The following NTM variants were observed in gnomAD, a reference collection of about 807,000 sequenced individuals.
NTM encodes the protein neurotrimin.
A neutral mutation model predicts 42.1 loss-of-function variants in NTM; 13 were observed. That is an observed-to-expected ratio of 0.31 (90% CI 0.20 to 0.49). The LOEUF is 0.49. Among genes scored for constraint, NTM ranks in the 20% least tolerant of loss-of-function variants. NTM has a pLI of 0.99. For synonymous variants in NTM, 187 were observed against 179.2 expected (o/e 1.04, Z -0.35); for missense variants, 373 against 452.8 (o/e 0.82, Z 1.60).
At chr11:131,592,068 T>C (rs916903765) in intron 1 of NTM, among the ~76,000 whole-genome samples, 3 of 152,184 alleles carry the variant, frequency 2.0e-5, no homozygotes, top group African/African-American at 7.2e-5. Context: ...GTTAAGTCAA[T>C]GGTTAAGTCA....
At chr11:132,148,917 C>A (rs1304418572) in intron 3 of NTM, among the ~76,000 whole-genome samples, 1 of 152,126 alleles carries the variant, frequency 6.6e-6, no homozygotes. Flanking sequence ...TGTGACTTAG[C>A]TAGGTGCCCT....
At chr11:131,658,780 G>A (rs1159600331) in intron 1 of NTM, among the ~76,000 whole-genome samples, 2 of 152,180 alleles carry the variant, frequency 1.3e-5, no homozygotes, top group Non-Finnish European at 1.5e-5. Flanking sequence ...GAACAGCCTG[G>A]ACAGCATGGC....
Position 131,757,814 on chromosome 11 carries a change from T to C in NTM, c.83-153750T>C, listed in dbSNP as rs528702364. Among the ~76,000 whole-genome samples the C allele has an allele frequency of 2.2e-4, 33 of 152,290 alleles. No homozygotes were observed. In the South Asian group the frequency reaches 6.8e-3, roughly 32 times the overall value. ...AACAACCAGAGTAAAAGTAGTGGGA[T>C]GAAGATTAGTAAAATGTGCCAGAAT... is the stretch of plus-strand genomic sequence containing the variant. On this transcript the variant is annotated intron_variant, in intron 1 of 8. Coordinates refer to ENST00000683400, the MANE Select transcript of NTM (RefSeq NM_001352005.2).
At chr11:132,275,690 T>A (rs2093677902) in intron 4 of NTM, among the ~76,000 whole-genome samples, 1 of 100,132 alleles carries the variant, frequency 1.0e-5, no homozygotes, top group South Asian at 2.8e-4. Flanking sequence ...ACTTGATGTT[T>A]TATATATATA....
At chr11:131,633,160 T>G (rs951686704) in intron 1 of NTM, among the ~76,000 whole-genome samples, 2 of 150,844 alleles carry the variant, frequency 1.3e-5, no homozygotes, top group African/African-American at 5.0e-5. Context: ...TTATCATTTT[T>G]GTTGTTGTTA....
At chr11:132,111,493 G>T (rs1414429473) in intron 2 of NTM, among the ~76,000 whole-genome samples, 1 of 152,172 alleles carries the variant, frequency 6.6e-6, no homozygotes, top group African/African-American at 2.4e-5. Flanking sequence ...GCAACACAGA[G>T]GTTTGGACAC....
rs115980803 is a variant in NTM at position 132,054,177 on chromosome 11, G to A, written c.168-92105G>A. Among the ~76,000 whole-genome samples the A allele has an allele frequency of 6.4e-3, 970 of 152,230 alleles. 8 individuals carry two copies. The highest frequency in any genetic ancestry group is 0.021 in the African/African-American group (852 of 41,542). On this transcript the variant is annotated intron_variant, in intron 2 of 8. Transcript: ENST00000683400. ...TTGCAGTGAGTCAAGATTATGCCAC[G>A]GTACTCCAGCCTGGGCAAAAGAGTG...
chr11:131,918,877 G>A (rs181463641), intron 2 of NTM, among the ~76,000 whole-genome samples: 1 of 152,276 alleles, frequency 6.6e-6, no homozygotes, highest in Admixed American at 6.5e-5. Context: ...TCTATAGTTT[G>A]TTCAGAGGAA....
At chr11:131,789,497 G>A (rs865800165) in intron 1 of NTM, among the ~76,000 whole-genome samples, 82 of 3,468 alleles carry the variant, frequency 0.024, 30 homozygotes, top group Middle Eastern at 0.083. Context: ...GAAGAGGAAA[G>A]AAGAAGAAGA....
chr11:131,513,472 G>C (rs2048511185), intron 1 of NTM, among the ~76,000 whole-genome samples: 1 of 152,274 alleles, frequency 6.6e-6, no homozygotes, highest in Admixed American at 6.5e-5. Flanking sequence ...GTCAATGTCA[G>C]CTCCTCCCTG....
At chr11:131,918,226 G>A (rs1419318613) in intron 2 of NTM, among the ~76,000 whole-genome samples, 1 of 152,102 alleles carries the variant, frequency 6.6e-6, no homozygotes, top group Non-Finnish European at 1.5e-5. Context: ...CCCTCACTTG[G>A]GGCTATGCAT....
chr11:131,671,664 A>G (rs1394706583), intron 1 of NTM: 3 of 941,624 alleles, frequency 3.2e-6, no homozygotes, highest in Non-Finnish European at 3.8e-6. Flanking sequence ...ACTCAGCGGT[A>G]TAGGAAGCAG....
At chr11:131,603,286 T>C (rs2060645174) in intron 1 of NTM, among the ~76,000 whole-genome samples, 1 of 152,040 alleles carries the variant, frequency 6.6e-6, no homozygotes, top group African/African-American at 2.4e-5. Context: ...ATCCTCTCTC[T>C]GCTTGGGCCA....
chr11:132,034,016 A>C (rs1430507448), intron 2 of NTM, among the ~76,000 whole-genome samples: 4 of 152,190 alleles, frequency 2.6e-5, no homozygotes, highest in African/African-American at 9.6e-5. Flanking sequence ...CATGAAGGAG[A>C]CAGTGACCTT....
chr11:131,508,674 G>T (rs1318316794), intron 1 of NTM, among the ~76,000 whole-genome samples: 4 of 150,816 alleles, frequency 2.7e-5, no homozygotes, highest in Non-Finnish European at 5.9e-5. Context: ...AGAAAATGTG[G>T]CACATATACA....
chr11:131,603,521 T>C (rs781608534), intron 1 of NTM, among the ~76,000 whole-genome samples: 1 of 152,096 alleles, frequency 6.6e-6, no homozygotes, highest in Non-Finnish European at 1.5e-5. Flanking sequence ...AAAAATCAGC[T>C]TGATTGAGAT....
At chr11:132,234,186 G>C (rs2088250991) in intron 4 of NTM, among the ~76,000 whole-genome samples, 2 of 152,192 alleles carry the variant, frequency 1.3e-5, no homozygotes, top group Admixed American at 1.3e-4. Flanking sequence ...GTCTGCAGTT[G>C]GTTCTGGTTC....
At position 131,481,861 on chromosome 11, in the gene NTM, C is replaced by CT. The variant is rs1953635579; in HGVS notation, c.82+110974dup. Among the ~76,000 whole-genome samples, 6 of 152,232 alleles carry CT rather than the reference C, an allele frequency of 3.9e-5. No individual in the cohort carries two copies. In the South Asian group the frequency reaches 1.2e-3, roughly 32 times the overall value. On this transcript the variant is annotated intron_variant, in intron 1 of 8. Coordinates refer to ENST00000683400, the MANE Select transcript of NTM (RefSeq NM_001352005.2). ...CTCTGGGACACATTTAGGAACAGGCCTGTTATAGAAGACATTGCCTTTGTA... is the reference window on the plus strand; with the variant it reads ...CTCTGGGACACATTTAGGAACAGGCCTTGTTATAGAAGACATTGCCTTTGTA...
chr11:131,886,694 G>A (rs1230869094), intron 1 of NTM, among the ~76,000 whole-genome samples: 1 of 152,202 alleles, frequency 6.6e-6, no homozygotes, highest in East Asian at 1.9e-4. Context: ...CAGAGGCCAG[G>A]GAGCTTGAGG....
Sources: gnomAD v4.1 joint callset for allele counts (sites outside exome capture counted in the v4.1 genomes callset) on GRCh38, gnomAD v4.1.1 for gene constraint, MANE v1.5 for transcripts, NCBI Gene and HGNC (gene_info 2026-07-23, HGNC 2026-07-21) for gene names.